CTNND2: variants seen among roughly 807,000 people sequenced by gnomAD.
CTNND2 encodes catenin delta 2.
CTNND2 carries 22 observed loss-of-function variants against 144.4 expected under a neutral mutation model. That is an observed-to-expected ratio of 0.15 (90% CI 0.11 to 0.22). The LOEUF (loss-of-function observed/expected upper bound fraction) is 0.22, where lower values mean the gene tolerates loss of function less well. CTNND2 is among the 10% of genes least tolerant of loss of function. CTNND2 has a pLI of 1.00. For synonymous variants in CTNND2, 751 were observed against 695.6 expected, an observed-to-expected ratio of 1.08 and a Z score of -1.25; for missense variants, 1,353 against 1,618.8, an observed-to-expected ratio of 0.84 and a Z score of 2.82.
At chr5:11,536,083 T>C (rs1339571115) in intron 3 of CTNND2, among the ~76,000 whole-genome samples, 7 of 152,172 alleles carry the variant, frequency 4.6e-5, no homozygotes, top group Non-Finnish European at 7.4e-5. Flanking sequence ...GATTTTTTAG[T>C]GACAAATTCT....
intron 5 of CTNND2, among the ~76,000 whole-genome samples, chr5:11,402,368 C>T (rs56124608): frequency 0.039 from 5,896 of 152,214 alleles, 152 homozygotes; most frequent in South Asian, 0.074. Flanking sequence ...TGGACCATTA[C>T]AAAATCAATG....
At chr5:11,829,583 T>C (rs1004240279) in intron 1 of CTNND2, among the ~76,000 whole-genome samples, 7 of 152,188 alleles carry the variant, frequency 4.6e-5, no homozygotes, top group African/African-American at 1.7e-4. Context: ...AAGTCAAGAA[T>C]TGGGATTTGG....
intron 1 of CTNND2, among the ~76,000 whole-genome samples, chr5:11,768,760 G>A (rs573376472): frequency 2.0e-5 from 3 of 152,240 alleles, no homozygotes; most frequent in South Asian, 4.1e-4. Flanking sequence ...TGCCACAGAC[G>A]AATCACTGAG....
intron 3 of CTNND2, among the ~76,000 whole-genome samples, chr5:11,512,509 C>T (rs1359676355): frequency 1.3e-5 from 2 of 152,224 alleles, no homozygotes; most frequent in African/African-American, 4.8e-5. Context: ...TAAAGGGCAA[C>T]CTGCCCTGGT....
intron 2 of CTNND2, among the ~76,000 whole-genome samples, chr5:11,719,873 CA>C (rs1786564550): frequency 7.0e-6 from 1 of 143,216 alleles, no homozygotes. Context: ...CACACACACA[CA>C]CACCACAGAT....
chr5:11,745,704 C>T (rs1336815410), intron 1 of CTNND2, among the ~76,000 whole-genome samples: 1 of 152,186 alleles, frequency 6.6e-6, no homozygotes, highest in Non-Finnish European at 1.5e-5. Context: ...CTCATGCCTG[C>T]AATATTACCT....
intron 2 of CTNND2, among the ~76,000 whole-genome samples, chr5:11,596,405 G>A (rs1779504448): frequency 6.6e-6 from 1 of 152,134 alleles, no homozygotes; most frequent in Admixed American, 6.5e-5. Context: ...TTATGTCATT[G>A]CCCTTGGCTG....
chr5:11,292,226 T>C (rs1748425067), intron 9 of CTNND2, among the ~76,000 whole-genome samples: 1 of 152,166 alleles, frequency 6.6e-6, no homozygotes, highest in African/African-American at 2.4e-5. Context: ...CTAAAATTCA[T>C]AAATTGAAGT....
intron 3 of CTNND2, among the ~76,000 whole-genome samples, chr5:11,532,303 AC>A (rs1773814744): frequency 2.0e-5 from 1 of 49,796 alleles, no homozygotes; most frequent in Non-Finnish European, 4.1e-5. Flanking sequence ...CTCCAAACCC[AC>A]CCCCACCCCT....
intron 20 of CTNND2, among the ~76,000 whole-genome samples, chr5:10,985,754 G>A (rs1380865253): frequency 1.3e-5 from 2 of 152,204 alleles, no homozygotes. Context: ...GATTTTGCAA[G>A]TAAACCCTGG....
At chr5:11,493,979 T>C (rs1490517333) in intron 3 of CTNND2, among the ~76,000 whole-genome samples, 1 of 152,164 alleles carries the variant, frequency 6.6e-6, no homozygotes, top group Non-Finnish European at 1.5e-5. Context: ...TTTAGATACA[T>C]AACATTAAAG....
At chr5:11,331,719 C>T (rs1753157243) in intron 9 of CTNND2, among the ~76,000 whole-genome samples, 1 of 152,044 alleles carries the variant, frequency 6.6e-6, no homozygotes, top group Non-Finnish European at 1.5e-5. Context: ...ATAGCATACA[C>T]AACTATTTTT....
chr5:11,742,476 C>T (rs574873475), intron 1 of CTNND2, among the ~76,000 whole-genome samples: 1 of 152,074 alleles, frequency 6.6e-6, no homozygotes, highest in Non-Finnish European at 1.5e-5. Flanking sequence ...TCATGTAGAT[C>T]AAAGAAATGT....
At chr5:11,779,131 T>C (rs925456802) in intron 1 of CTNND2, among the ~76,000 whole-genome samples, 1 of 152,168 alleles carries the variant, frequency 6.6e-6, no homozygotes, top group Non-Finnish European at 1.5e-5. Flanking sequence ...GTATCCGCCA[T>C]ATGTTCTTGT....
At chr5:11,727,101 G>A (rs868220524) in intron 2 of CTNND2, among the ~76,000 whole-genome samples, 7 of 152,104 alleles carry the variant, frequency 4.6e-5, no homozygotes, top group Non-Finnish European at 1.0e-4. Flanking sequence ...TTTATGATTT[G>A]TTTCTCCTTG....
At chr5:11,038,998 C>A (rs893732053) in intron 16 of CTNND2, among the ~76,000 whole-genome samples, 1 of 152,214 alleles carries the variant, frequency 6.6e-6, no homozygotes, top group Non-Finnish European at 1.5e-5. Flanking sequence ...GTCATGGCAG[C>A]GTGCACATCA....
At chr5:11,460,377 T>C (rs1766086141) in intron 3 of CTNND2, among the ~76,000 whole-genome samples, 1 of 152,258 alleles carries the variant, frequency 6.6e-6, no homozygotes, top group Admixed American at 6.5e-5. Flanking sequence ...GCATCCATTG[T>C]AATTGTCCAG....
intron 10 of CTNND2, among the ~76,000 whole-genome samples, chr5:11,217,486 T>C (rs529424958): frequency 2.6e-5 from 4 of 152,300 alleles, no homozygotes; most frequent in South Asian, 4.1e-4. Context: ...TATGATTTCA[T>C]TGTGGAAAAG....
intron 2 of CTNND2, among the ~76,000 whole-genome samples, chr5:11,669,380 T>A (rs1370244576): frequency 1.3e-5 from 2 of 152,188 alleles, no homozygotes; most frequent in Non-Finnish European, 2.9e-5. Context: ...CAGCTGTGAA[T>A]CCATCTGGTC....
Sources: gnomAD v4.1 joint callset for allele counts (sites outside exome capture counted in the v4.1 genomes callset) on GRCh38, gnomAD v4.1.1 for gene constraint, MANE v1.5 for transcripts, NCBI Gene and HGNC (gene_info 2026-07-23, HGNC 2026-07-21) for gene names.